APOO: variants seen among roughly 807,000 people sequenced by gnomAD.
APOO encodes the protein MICOS complex subunit MIC26.
In APOO, 11 loss-of-function variants were observed where a neutral mutation model predicts 23.1. That is an observed-to-expected ratio of 0.48 (90% CI 0.30 to 0.79). APOO has a LOEUF of 0.79. APOO is among the 30% of genes least tolerant of loss of function. The probability of loss-of-function intolerance (pLI) is 0.07; values close to 1 mark genes in which losing one functional copy is unlikely to be tolerated. For synonymous variants in APOO, 59 were observed against 54.8 expected, an observed-to-expected ratio of 1.08 and a Z score of -0.34; for missense variants, 160 against 142.7, an observed-to-expected ratio of 1.12 and a Z score of -0.62.
At chrX:23,895,533 C>T (rs776127110) in intron 1 of APOO, among the ~76,000 whole-genome samples, 2 of 111,303 alleles carry the variant, frequency 1.8e-5, no homozygotes, top group African/African-American at 6.5e-5. Context: ...GGACAAACAC[C>T]TAATGCATGC....
chrX:23,907,415 G>C (rs1927411950), intron 1 of APOO, among the ~76,000 whole-genome samples: 1 of 112,312 alleles, frequency 8.9e-6, no homozygotes, highest in African/African-American at 3.2e-5. Flanking sequence ...TGGGTACTTT[G>C]GGGGAAGGCA....
intron 2 of APOO, among the ~76,000 whole-genome samples, chrX:23,879,244 T>C (rs1363162208): frequency 1.8e-5 from 2 of 111,588 alleles, no homozygotes; most frequent in Non-Finnish European, 3.8e-5. Context: ...GAGACCAGCC[T>C]AGCCAACATG....
intron 5 of APOO, among the ~76,000 whole-genome samples, chrX:23,861,196 G>A (rs1023169828): frequency 2.7e-5 from 3 of 111,053 alleles, no homozygotes; most frequent in Non-Finnish European, 5.7e-5. Flanking sequence ...CTGGTGGGAC[G>A]TGACCTGATC....
At chrX:23,888,998 C>T in intron 1 of APOO, among the ~76,000 whole-genome samples, 1 of 106,628 alleles carries the variant, frequency 9.4e-6, no homozygotes, top group African/African-American at 3.5e-5. Flanking sequence ...AAAAAATTAG[C>T]CAGGTGTTTG....
intron 1 of APOO, among the ~76,000 whole-genome samples, chrX:23,892,488 C>T (rs1926706120): frequency 9.0e-6 from 1 of 110,600 alleles, no homozygotes; most frequent in African/African-American, 3.3e-5. Flanking sequence ...AAACTCCTTA[C>T]CTCAGGTGAT....
At chrX:23,872,521 T>TTATATATATATATATATATATA (rs773219545) in intron 4 of APOO, among the ~76,000 whole-genome samples, 15 of 93,233 alleles carry the variant, frequency 1.6e-4, no homozygotes, top group African/African-American at 5.6e-4. Context: ...TTATGAGAAT[T>TTATATATATATATATATATATA]TATATATATA....
At chrX:23,841,900 C>T (rs1052107243) in intron 7 of APOO, among the ~76,000 whole-genome samples, 6 of 111,306 alleles carry the variant, frequency 5.4e-5, no homozygotes, top group Non-Finnish European at 1.1e-4. Context: ...TGTTATTCAT[C>T]CTTTACATCA....
intron 7 of APOO, among the ~76,000 whole-genome samples, chrX:23,841,377 G>A (rs1469681395): frequency 3.7e-5 from 4 of 108,468 alleles, no homozygotes; most frequent in Non-Finnish European, 5.7e-5. Context: ...CTGGTTTGCC[G>A]GGCATGTTGG....
At chrX:23,881,000 G>T in intron 1 of APOO, 48 bp from the exon 2 acceptor site, 1 of 896,750 alleles carries the variant, frequency 1.1e-6, no homozygotes, top group Non-Finnish European at 1.5e-6. Flanking sequence ...CAGACCGAAT[G>T]TGCAGAACAT....
At position 23,861,796 on chromosome X, in the gene APOO, CTTTTTTT is replaced by C. The variant is rs10706916; in HGVS notation, c.389-3070_389-3064del. On this transcript the variant is annotated intron_variant, in intron 5 of 8. Transcript: ENST00000379226. ...GGGCCCCATGTACAGACAGGGAGTT[CTTTTTTT>C]TTTTTTTTTTTTTTTCCCGAGACGG... Among the ~76,000 whole-genome samples, 3 of 67,481 alleles carry C rather than the reference CTTTTTTT, an allele frequency of 4.4e-5. No individual in the cohort carries two copies. The East Asian group carries it at 1.6e-3, about 36-fold the overall frequency. The allele number at this position is 67,481 out of a possible 115,157, so 58.6% of individuals were successfully genotyped here.
At chrX:23,854,522 T>C (rs930096095) in intron 7 of APOO, among the ~76,000 whole-genome samples, 2 of 111,821 alleles carry the variant, frequency 1.8e-5, no homozygotes, top group African/African-American at 6.5e-5. Flanking sequence ...TTTTTGCTTG[T>C]TTGTTTTTGT....
intron 4 of APOO, among the ~76,000 whole-genome samples, chrX:23,871,876 A>G (rs1427664504): frequency 2.7e-5 from 3 of 111,943 alleles, no homozygotes; most frequent in Non-Finnish European, 3.8e-5. Flanking sequence ...AAGTAATACC[A>G]GATACACGCC....
chrX:23,895,048 G>A (rs1187723193), intron 1 of APOO, among the ~76,000 whole-genome samples: 2 of 109,172 alleles, frequency 1.8e-5, no homozygotes, highest in Non-Finnish European at 3.8e-5. Flanking sequence ...TGAGGCAGGA[G>A]AATCGCTCGA....
intron 1 of APOO, 34 bp downstream of exon 1, chrX:23,907,660 C>T: frequency 8.7e-7 from 1 of 1,147,461 alleles, no homozygotes; most frequent in Non-Finnish European, 1.2e-6. Context: ...CGGGAGGGGG[C>T]GGTGACAGCT....
At chrX:23,836,174 A>G (rs1923656474) in intron 8 of APOO, among the ~76,000 whole-genome samples, 1 of 112,922 alleles carries the variant, frequency 8.9e-6, no homozygotes, top group South Asian at 3.6e-4. Flanking sequence ...TCTGTTGCCC[A>G]GGCTGGGAGT....
At chrX:23,874,048 T>C (rs1224383645) in intron 4 of APOO, among the ~76,000 whole-genome samples, 2 of 112,599 alleles carry the variant, frequency 1.8e-5, no homozygotes, top group East Asian at 5.5e-4. Context: ...AGAGCATCTA[T>C]TAATTGCAAT....
chrX:23,881,331 TC>T (rs1244615382), intron 1 of APOO, among the ~76,000 whole-genome samples: 1 of 108,873 alleles, frequency 9.2e-6, no homozygotes, highest in Non-Finnish European at 1.9e-5. Flanking sequence ...CGCCTCGGCC[TC>T]CCAAAGTGCT....
At chrX:23,893,512 C>T (rs1439954383) in intron 1 of APOO, among the ~76,000 whole-genome samples, 1 of 111,676 alleles carries the variant, frequency 9.0e-6, no homozygotes, top group East Asian at 2.8e-4. Flanking sequence ...AGAATACTCT[C>T]CTCCATAAGG....
At chrX:23,867,114 G>A (rs199640697) in intron 5 of APOO, among the ~76,000 whole-genome samples, 1 of 44,944 alleles carries the variant, frequency 2.2e-5, no homozygotes, top group Non-Finnish European at 3.5e-5. Flanking sequence ...TAAGCTAAAC[G>A]AAACGAAACG....
Sources: allele counts gnomAD v4.1 joint callset (sites outside exome capture counted in the v4.1 genomes callset), GRCh38; gene constraint gnomAD v4.1.1; transcripts MANE v1.5; gene names NCBI Gene and HGNC (gene_info 2026-07-23, HGNC 2026-07-21).